Variants in OPCML observed in about 807,000 individuals in gnomAD.
OPCML encodes opioid binding protein/cell adhesion molecule like.
In OPCML, 13 loss-of-function variants were observed where a neutral mutation model predicts 37.8. The ratio of observed to expected loss-of-function variants is 0.34; its 90% CI spans 0.22 to 0.55. The LOEUF (loss-of-function observed/expected upper bound fraction) is 0.55. Ranked by LOEUF, OPCML falls within the 20% of genes least tolerant of loss-of-function variation. OPCML has a pLI of 0.91. For synonymous variants in OPCML, 176 were observed against 168.8 expected (o/e 1.04, Z -0.33); for missense variants, 341 against 435.6 (o/e 0.78, Z 1.93).
chr11:132,601,944 T>G (rs1937943069), intron 3 of OPCML, among the ~76,000 whole-genome samples: 1 of 152,200 alleles, frequency 6.6e-6, no homozygotes. Context: ...ACTAATGCTC[T>G]TAATCATAAA....
In OPCML at chr11:132,609,111, G is replaced by C. The variant is rs117162617; in HGVS notation, c.379+47976C>G. Among the ~76,000 whole-genome samples the C allele has an allele frequency of 2.5e-4, 37 of 150,918 alleles. No homozygotes were observed. In the East Asian group the frequency reaches 7.3e-3, roughly 30 times the overall value. ...AACTGACCCATCACTTCTTTAATTC[G>C]TGTTTCTCATCGGCTTCTCACCACA... On this transcript the variant is annotated intron_variant, in intron 3 of 7. Coordinates refer to ENST00000524381, the MANE Select transcript of OPCML (RefSeq NM_001012393.5).
intron 2 of OPCML, among the ~76,000 whole-genome samples, chr11:132,759,399 G>T (rs1453861503): frequency 6.6e-6 from 1 of 152,120 alleles, no homozygotes; most frequent in East Asian, 1.9e-4. Context: ...TTGCACCTCT[G>T]GTAGAATTTG....
intron 1 of OPCML, among the ~76,000 whole-genome samples, chr11:133,473,336 G>A (rs1203633406): frequency 6.6e-6 from 1 of 152,194 alleles, no homozygotes; most frequent in Admixed American, 6.5e-5. Context: ...AAGGATGCTA[G>A]CTTTCTCCTG....
chr11:133,106,822 A>T (rs1413315422), intron 1 of OPCML, among the ~76,000 whole-genome samples: 2 of 152,232 alleles, frequency 1.3e-5, no homozygotes, highest in Admixed American at 1.3e-4. Context: ...CACAGCGCTT[A>T]TCAGATCTGC....
At chr11:132,892,182 G>C (rs562181062) in intron 2 of OPCML, among the ~76,000 whole-genome samples, 1 of 152,336 alleles carries the variant, frequency 6.6e-6, no homozygotes, top group South Asian at 2.1e-4. Flanking sequence ...GTAGCAATGA[G>C]GCTGGAGAGC....
chr11:132,457,945 A>C (rs1437019134), intron 4 of OPCML, among the ~76,000 whole-genome samples: 1 of 152,228 alleles, frequency 6.6e-6, no homozygotes, highest in East Asian at 1.9e-4. Flanking sequence ...CTGCCGTGGA[A>C]GAGCTTAGAT....
At chr11:133,237,135 G>A (rs1234594545) in intron 1 of OPCML, among the ~76,000 whole-genome samples, 2 of 152,190 alleles carry the variant, frequency 1.3e-5, no homozygotes, top group African/African-American at 4.8e-5. Context: ...TTCCAGAAGC[G>A]ATCATTTAAT....
At position 133,393,428 on chromosome 11, in the gene OPCML, A is replaced by G. The variant is rs570152526; in HGVS notation, c.61+138836T>C. 8.5e-5 allele frequency among the ~76,000 whole-genome samples: 13 copies of G among 152,316 alleles called. No individual in the cohort carries two copies. The South Asian group carries it at 2.1e-3, about 24-fold the overall frequency. ...TTATAGACCACAGATTATGAGAATC[A>G]ACTGTACTGTCGGCTTTCACCCCAG... On this transcript the variant is annotated intron_variant, in intron 1 of 7. Transcript: ENST00000524381.
intron 1 of OPCML, among the ~76,000 whole-genome samples, chr11:133,156,003 G>A (rs149645650): frequency 4.6e-5 from 7 of 152,162 alleles, no homozygotes; most frequent in East Asian, 3.9e-4. Context: ...TTAACCCATC[G>A]GAGAGCAAGA....
chr11:133,272,731 A>T (rs1941885837), intron 1 of OPCML, among the ~76,000 whole-genome samples: 1 of 152,190 alleles, frequency 6.6e-6, no homozygotes, highest in African/African-American at 2.4e-5. Context: ...TACCAAACTC[A>T]CAAATACATA....
chr11:133,203,708 A>G (rs1565501334), intron 1 of OPCML, among the ~76,000 whole-genome samples: 1 of 152,198 alleles, frequency 6.6e-6, no homozygotes, highest in African/African-American at 2.4e-5. Flanking sequence ...TAGCTGTCAG[A>G]TTATGCTAAG....
chr11:133,409,616 C>T, intron 1 of OPCML, among the ~76,000 whole-genome samples: 1 of 152,080 alleles, frequency 6.6e-6, no homozygotes, highest in East Asian at 1.9e-4. Context: ...TGTGACTATT[C>T]CCAATTCATA....
intron 2 of OPCML, among the ~76,000 whole-genome samples, chr11:132,764,646 T>C (rs1390305673): frequency 1.3e-5 from 2 of 152,130 alleles, no homozygotes; most frequent in Non-Finnish European, 2.9e-5. Flanking sequence ...GAGATAGAAG[T>C]ATTTTCTCAC....
chr11:132,972,113 T>C (rs868457003), intron 1 of OPCML, among the ~76,000 whole-genome samples: 25 of 152,276 alleles, frequency 1.6e-4, no homozygotes, highest in African/African-American at 5.5e-4. Context: ...AGTGGCTTCC[T>C]GGTCCAGGCA....
chr11:133,012,816 G>A (rs550319908), intron 1 of OPCML, among the ~76,000 whole-genome samples: 20 of 151,216 alleles, frequency 1.3e-4, no homozygotes, highest in South Asian at 4.2e-4. Context: ...TGGAGGTTGC[G>A]GCGAGATCGC....
chr11:132,831,081 G>T (rs892651524), intron 2 of OPCML, among the ~76,000 whole-genome samples: 8 of 150,916 alleles, frequency 5.3e-5, no homozygotes, highest in African/African-American at 2.0e-4. Context: ...GCTTAATTTT[G>T]CTCACTGACT....
intron 3 of OPCML, among the ~76,000 whole-genome samples, chr11:132,638,184 T>G (rs755417852): frequency 3.2e-5 from 4 of 126,894 alleles, no homozygotes; most frequent in African/African-American, 1.2e-4. Context: ...TATATATATA[T>G]ATACAGAGAG....
intron 3 of OPCML, among the ~76,000 whole-genome samples, chr11:132,640,235 G>T (rs1940770176): frequency 6.6e-6 from 1 of 152,134 alleles, no homozygotes; most frequent in African/African-American, 2.4e-5. Context: ...CATCTCTAAC[G>T]AAAGGCAATG....
chr11:132,472,995 C>G (rs1403443077), intron 4 of OPCML, among the ~76,000 whole-genome samples: 1 of 152,208 alleles, frequency 6.6e-6, no homozygotes, highest in Non-Finnish European at 1.5e-5. Context: ...TTTCTCTCAA[C>G]TGCAAACTAG....
Sources: gnomAD v4.1 joint callset for allele counts (sites outside exome capture counted in the v4.1 genomes callset) on GRCh38, gnomAD v4.1.1 for gene constraint, MANE v1.5 for transcripts, NCBI Gene and HGNC (gene_info 2026-07-23, HGNC 2026-07-21) for gene names.